The following AKAP6 variants were observed in gnomAD, a reference collection of about 807,000 sequenced individuals.
AKAP6 encodes the protein A-kinase anchoring protein 6.
AKAP6 carries 58 observed loss-of-function variants against 188.5 expected under a neutral mutation model. The observed-to-expected ratio is 0.31, with a 90% CI of 0.25 to 0.38. The LOEUF (loss-of-function observed/expected upper bound fraction) is 0.38. AKAP6 is among the 10% of genes least tolerant of loss of function. The probability of loss-of-function intolerance (pLI) is 1.00; values close to 1 mark genes in which losing one functional copy is unlikely to be tolerated. For synonymous variants in AKAP6, 989 were observed against 998.6 expected, an observed-to-expected ratio of 0.99 and a Z score of 0.18; for missense variants, 2,710 against 2,740.0, an observed-to-expected ratio of 0.99 and a Z score of 0.24.
intron 1 of AKAP6, among the ~76,000 whole-genome samples, chr14:32,364,216 G>A (rs1342487727): frequency 1.9e-4 from 29 of 152,136 alleles, no homozygotes; most frequent in Admixed American, 1.9e-3. Context: ...CAGGTTTTGG[G>A]GGAAAATAAA....
At chr14:32,451,773 G>GA (rs1566510028) in intron 2 of AKAP6, among the ~76,000 whole-genome samples, 1 of 151,762 alleles carries the variant, frequency 6.6e-6, no homozygotes. Context: ...AAATAAAACT[G>GA]AAAAAAATGC....
At chr14:32,663,165 T>C (rs998134956) in intron 7 of AKAP6, among the ~76,000 whole-genome samples, 1 of 152,182 alleles carries the variant, frequency 6.6e-6, no homozygotes, top group Admixed American at 6.6e-5. Context: ...CCTCTTCATA[T>C]GACACTTGTG....
intron 4 of AKAP6, among the ~76,000 whole-genome samples, chr14:32,575,108 A>T (rs1411246890): frequency 6.6e-6 from 1 of 152,138 alleles, no homozygotes; most frequent in African/African-American, 2.4e-5. Flanking sequence ...TACTGAGAAG[A>T]CTGAGCTTGA....
chr14:32,661,278 A>T (rs1888689202), intron 7 of AKAP6, among the ~76,000 whole-genome samples: 1 of 152,048 alleles, frequency 6.6e-6, no homozygotes, highest in African/African-American at 2.4e-5. Context: ...TATAATAATA[A>T]ATCCTGCTGC....
At chr14:32,649,496 T>G (rs544754118) in intron 7 of AKAP6, among the ~76,000 whole-genome samples, 2 of 152,194 alleles carry the variant, frequency 1.3e-5, no homozygotes, top group South Asian at 4.1e-4. Context: ...TTCTAGAAAT[T>G]TCTTTATATT....
chr14:32,393,416 G>C (rs1389537681), intron 1 of AKAP6, among the ~76,000 whole-genome samples: 1 of 152,064 alleles, frequency 6.6e-6, no homozygotes, highest in Non-Finnish European at 1.5e-5. Context: ...TCTTGGATTG[G>C]GGCAGACTAA....
chr14:32,521,056 A>C (rs1881802488), intron 2 of AKAP6, among the ~76,000 whole-genome samples: 1 of 152,276 alleles, frequency 6.6e-6, no homozygotes, highest in Admixed American at 6.5e-5. Context: ...CAATAAACAT[A>C]ATCCATCATA....
At chr14:32,579,317 A>T (rs148916946) in intron 5 of AKAP6, among the ~76,000 whole-genome samples, 142 of 152,298 alleles carry the variant, frequency 9.3e-4, no homozygotes, top group African/African-American at 3.2e-3. Context: ...TTTCTTAAAG[A>T]ATAGTCTTGT....
intron 4 of AKAP6, among the ~76,000 whole-genome samples, chr14:32,555,620 G>A (rs1025591200): frequency 2.0e-5 from 3 of 151,928 alleles, no homozygotes; most frequent in African/African-American, 4.8e-5. Flanking sequence ...TGCTGTCCTC[G>A]GGTAACCAAC....
chr14:32,517,943 C>A (rs965348107), intron 2 of AKAP6, among the ~76,000 whole-genome samples: 7 of 152,302 alleles, frequency 4.6e-5, no homozygotes, highest in African/African-American at 1.7e-4. Flanking sequence ...GAGACACGTC[C>A]CAGAAGGGGC....
chr14:32,604,056 G>T lies in AKAP6; in HGVS notation c.2730+3264G>T, dbSNP rs552662999. Among the ~76,000 whole-genome samples the T allele has an allele frequency of 3.3e-5, 5 of 152,232 alleles. 1 individual carries two copies. The South Asian group carries it at 1.0e-3, about 32-fold the overall frequency. On this transcript the variant is annotated intron_variant, in intron 7 of 13. Coordinates refer to ENST00000280979, the MANE Select transcript of AKAP6 (RefSeq NM_004274.5). ...ATATATCTGGTTCTTAATGATTAAGGTGCCTTACTTCTTAAGAGAAAACCA... is the reference window on the plus strand; with the variant it reads ...ATATATCTGGTTCTTAATGATTAAGTTGCCTTACTTCTTAAGAGAAAACCA...
At chr14:32,683,753 A>G (rs1889793569) in intron 8 of AKAP6, among the ~76,000 whole-genome samples, 1 of 152,232 alleles carries the variant, frequency 6.6e-6, no homozygotes, top group African/African-American at 2.4e-5. Context: ...AGTGATGCCC[A>G]GCATGACTAG....
At chr14:32,479,012 G>A (rs1395547576) in intron 2 of AKAP6, among the ~76,000 whole-genome samples, 1 of 152,184 alleles carries the variant, frequency 6.6e-6, no homozygotes, top group African/African-American at 2.4e-5. Context: ...GGACTCCTAG[G>A]AATATAGGGA....
At chr14:32,721,792 G>T (rs1171015900) in intron 9 of AKAP6, among the ~76,000 whole-genome samples, 1 of 152,132 alleles carries the variant, frequency 6.6e-6, no homozygotes, top group Non-Finnish European at 1.5e-5. Context: ...TTTTACCTGG[G>T]ATAATGTAAT....
rs1296428721 is a variant in AKAP6, at chr14:32,546,969, C to A, written c.2316C>A (p.Asp772Glu). The A allele has an allele frequency of 4.4e-6, 7 of 1,605,058 alleles. No individual in the cohort carries two copies. Among genetic ancestry groups the A allele is most frequent in the Middle Eastern group, 1.6e-4 (1 of 6,064 alleles). The change falls in exon 4 of 14, where the codon GAC becomes GAA. Residue 772 changes from aspartate to glutamate, a missense_variant. By Grantham distance (45) the Asp-to-Glu change is conservative. Transcript: ENST00000280979. The part of the protein sequence containing the change: ...QKLMQDIQHQ[D>E]NYEAIWEKIE... ...TGATGCAAGATATTCAGCACCAAGA[C>A]AACTATGAAGCCATATGGGAAAAAA... is the stretch of plus-strand genomic sequence containing the variant.
intron 2 of AKAP6, among the ~76,000 whole-genome samples, chr14:32,527,712 A>G (rs1882203504): frequency 1.3e-5 from 2 of 152,088 alleles, no homozygotes; most frequent in Non-Finnish European, 2.9e-5. Flanking sequence ...ATCATATGGA[A>G]CCATCTTTTC....
intron 4 of AKAP6, among the ~76,000 whole-genome samples, chr14:32,575,677 T>A (rs1361376283): frequency 6.6e-6 from 1 of 152,194 alleles, no homozygotes; most frequent in Non-Finnish European, 1.5e-5. Flanking sequence ...GAAATCTGGT[T>A]GTGATATGTA....
At chr14:32,579,405 A>G (rs1194308308) in intron 5 of AKAP6, among the ~76,000 whole-genome samples, 3 of 152,122 alleles carry the variant, frequency 2.0e-5, no homozygotes, top group Non-Finnish European at 4.4e-5. Flanking sequence ...TGGAATAGAG[A>G]TATCATAGAA....
chr14:32,815,121 T>C (rs988883093), intron 12 of AKAP6, among the ~76,000 whole-genome samples: 2 of 152,230 alleles, frequency 1.3e-5, no homozygotes, highest in Non-Finnish European at 2.9e-5. Flanking sequence ...TAATGGATTT[T>C]TCATTTTCAA....
Sources: gnomAD v4.1 joint callset for allele counts (sites outside exome capture counted in the v4.1 genomes callset) on GRCh38, gnomAD v4.1.1 for gene constraint, MANE v1.5 for transcripts, NCBI Gene and HGNC (gene_info 2026-07-23, HGNC 2026-07-21) for gene names.